Variants in SCAPER observed in about 807,000 individuals in gnomAD.
SCAPER encodes the protein S-phase cyclin A associated protein in the ER.
SCAPER carries 98 observed loss-of-function variants against 182.2 expected under a neutral mutation model. The ratio of observed to expected loss-of-function variants is 0.54; its 90% CI spans 0.46 to 0.64. The LOEUF (loss-of-function observed/expected upper bound fraction) is 0.64. SCAPER is among the 30% of genes least tolerant of loss of function. The pLI is 0.00. For missense variants in SCAPER, 1,432 were observed against 1,690.0 expected (o/e 0.85, Z 2.68); for synonymous variants, 605 against 564.6 (o/e 1.07, Z -1.01).
chr15:76,569,810 T>A (rs910099335), intron 23 of SCAPER, among the ~76,000 whole-genome samples: 3 of 152,108 alleles, frequency 2.0e-5, no homozygotes, highest in Admixed American at 6.6e-5. Flanking sequence ...TTACCTCACC[T>A]ATAATTTTTG....
chr15:76,679,158 G>GA (rs779204443), intron 20 of SCAPER, among the ~76,000 whole-genome samples: 7 of 152,084 alleles, frequency 4.6e-5, no homozygotes, highest in Non-Finnish European at 8.8e-5. Flanking sequence ...CAACAATATA[G>GA]AAAAATTACT....
intron 21 of SCAPER, among the ~76,000 whole-genome samples, chr15:76,644,820 C>T (rs2054409080): frequency 6.6e-6 from 1 of 152,042 alleles, no homozygotes; most frequent in Non-Finnish European, 1.5e-5. Flanking sequence ...AGAAGAAAAC[C>T]ATTTTCCTAA....
chr15:76,549,563 C>A (rs1223156739), intron 23 of SCAPER, among the ~76,000 whole-genome samples: 1 of 151,750 alleles, frequency 6.6e-6, no homozygotes, highest in Non-Finnish European at 1.5e-5. Flanking sequence ...CACATGGACA[C>A]AGGAAGGGGA....
intron 1 of SCAPER, among the ~76,000 whole-genome samples, chr15:76,894,912 G>A (rs1452113650): frequency 6.6e-6 from 1 of 152,040 alleles, no homozygotes; most frequent in African/African-American, 2.4e-5. Flanking sequence ...CAAAAGAGAA[G>A]AACCTAGGAC....
At chr15:76,743,163 T>C (rs1218796135) in intron 15 of SCAPER, among the ~76,000 whole-genome samples, 1 of 152,124 alleles carries the variant, frequency 6.6e-6, no homozygotes, top group Admixed American at 6.5e-5. Flanking sequence ...CAAGTTTATC[T>C]AACTCAAGAG....
chr15:76,366,702 A>G (rs2041839096), intron 29 of SCAPER, among the ~76,000 whole-genome samples: 1 of 152,122 alleles, frequency 6.6e-6, no homozygotes. Context: ...CCATACATAA[A>G]ATAATTATTT....
chr15:76,665,706 C>G lies in SCAPER; in HGVS notation c.2592G>C (p.Glu864Asp). 2 of 1,571,974 alleles carry G rather than the reference C, an allele frequency of 1.3e-6. No individual in the cohort carries two copies. Among genetic ancestry groups the G allele is most frequent in the South Asian group, 2.3e-5 (2 of 85,226 alleles). Reference sequence around the variant, plus strand: ...TGGCTTTTTTTTTATTTTTTTGCCGCTCTTCTCCATCTTTCAAAGCTTCTG... The same window carrying G: ...TGGCTTTTTTTTTATTTTTTTGCCGGTCTTCTCCATCTTTCAAAGCTTCTG... ...APAEALKDGE[E>D]RQKNKKKAKK... The change falls in exon 21 of 32, where the codon GAG becomes GAC. Residue 864 changes from glutamate (E) to aspartate (D), a missense_variant. By Grantham distance (45) the Glu-to-Asp change is conservative. Transcript: ENST00000563290.
chr15:76,426,436 C>T (rs1489275985), intron 26 of SCAPER, among the ~76,000 whole-genome samples: 1 of 152,108 alleles, frequency 6.6e-6, no homozygotes, highest in South Asian at 2.1e-4. Flanking sequence ...TCCTGGTGTG[C>T]CATTTGCTCA....
chr15:76,646,906 A>G (rs970906092), intron 21 of SCAPER, among the ~76,000 whole-genome samples: 5 of 152,316 alleles, frequency 3.3e-5, no homozygotes, highest in Admixed American at 2.0e-4. Context: ...ATCTTGAGTC[A>G]GGTCCTAAAA....
intron 29 of SCAPER, among the ~76,000 whole-genome samples, chr15:76,372,102 T>C (rs1030489560): frequency 6.6e-6 from 1 of 152,134 alleles, no homozygotes; most frequent in African/African-American, 2.4e-5. Flanking sequence ...AACTGACCTC[T>C]GTAAACTTCC....
chr15:76,453,883 C>A (rs999902218), intron 25 of SCAPER, among the ~76,000 whole-genome samples: 1 of 152,200 alleles, frequency 6.6e-6, no homozygotes, highest in Non-Finnish European at 1.5e-5. Flanking sequence ...AGATACAGGT[C>A]TTCCTGCTTA....
At chr15:76,403,457 G>T (rs2044611149) in intron 27 of SCAPER, among the ~76,000 whole-genome samples, 1 of 152,146 alleles carries the variant, frequency 6.6e-6, no homozygotes, top group Admixed American at 6.5e-5. Flanking sequence ...GAGGGACTGG[G>T]TAAGAGTAAG....
chr15:76,767,497 G>A (rs2063186320), intron 10 of SCAPER, among the ~76,000 whole-genome samples: 2 of 152,066 alleles, frequency 1.3e-5, no homozygotes, highest in Admixed American at 1.3e-4. Context: ...ATGCTGTACT[G>A]GTGATGATGC....
chr15:76,832,244 A>G (rs188056822), intron 5 of SCAPER, among the ~76,000 whole-genome samples: 54 of 152,352 alleles, frequency 3.5e-4, no homozygotes, highest in Admixed American at 1.5e-3. Flanking sequence ...CAGTGACACT[A>G]TCTATGAGTT....
At position 76,580,826 on chromosome 15, in the gene SCAPER, T is replaced by G. The variant is rs187252498; in HGVS notation, c.2712-6542A>C. 4.5e-4 allele frequency among the ~76,000 whole-genome samples: 69 copies of G among 151,910 alleles called. No individual in the cohort carries two copies. The East Asian group carries it at 0.013, about 28-fold the overall frequency. ...TTATAAAGATCAGAGCAGAAATGAATGAAATTGAAAGAAAATAATACAAAA... is the reference window on the plus strand; with the variant it reads ...TTATAAAGATCAGAGCAGAAATGAAGGAAATTGAAAGAAAATAATACAAAA... On this transcript the variant is annotated intron_variant, in intron 22 of 31. Coordinates refer to ENST00000563290, the MANE Select transcript of SCAPER (RefSeq NM_020843.4).
intron 24 of SCAPER, among the ~76,000 whole-genome samples, chr15:76,480,411 C>T (rs1239737880): frequency 6.6e-6 from 1 of 152,168 alleles, no homozygotes; most frequent in East Asian, 1.9e-4. Context: ...AAGTCAGTGC[C>T]CCTCTCACAG....
chr15:76,903,070 AAAAAG>A (rs1250275284), intron 1 of SCAPER, among the ~76,000 whole-genome samples: 2 of 152,060 alleles, frequency 1.3e-5, no homozygotes, highest in South Asian at 2.1e-4. Context: ...CAAAAAAAAA[AAAAAG>A]AAAGTGAAAG....
At chr15:76,473,438 A>G (rs2050362663) in intron 24 of SCAPER, among the ~76,000 whole-genome samples, 1 of 152,214 alleles carries the variant, frequency 6.6e-6, no homozygotes, top group Admixed American at 6.5e-5. Context: ...GGCACGACAG[A>G]TTCCTGGATG....
At chr15:76,532,735 T>A (rs377577777) in intron 23 of SCAPER, among the ~76,000 whole-genome samples, 1 of 152,000 alleles carries the variant, frequency 6.6e-6, no homozygotes, top group Non-Finnish European at 1.5e-5. Context: ...GCAGAGGAAA[T>A]GAGGGAGTAT....
Sources: gnomAD v4.1 joint callset for allele counts (sites outside exome capture counted in the v4.1 genomes callset) on GRCh38, gnomAD v4.1.1 for gene constraint, MANE v1.5 for transcripts, NCBI Gene and HGNC (gene_info 2026-07-23, HGNC 2026-07-21) for gene names.